The following RSBN1L variants were observed in gnomAD, a reference collection of about 807,000 sequenced individuals.
The protein encoded by RSBN1L is lysine-specific demethylase RSBN1L.
In RSBN1L, 30 loss-of-function variants were observed where a neutral mutation model predicts 67.7. That is an observed-to-expected ratio of 0.44 (90% CI 0.33 to 0.60). The LOEUF is 0.60. RSBN1L is among the 20% of genes least tolerant of loss of function. The probability of loss-of-function intolerance (pLI) is 0.02; values close to 1 mark genes in which losing one functional copy is unlikely to be tolerated. For missense variants in RSBN1L, 992 were observed against 1,031.7 expected (o/e 0.96, Z 0.53); for synonymous variants, 433 against 387.0 (o/e 1.12, Z -1.39).
At chr7:77,773,932 C>G (rs1439255668) in intron 6 of RSBN1L, among the ~76,000 whole-genome samples, 3 of 152,118 alleles carry the variant, frequency 2.0e-5, no homozygotes, top group African/African-American at 7.2e-5. Context: ...TTTAATTTTT[C>G]TCAACTGCTT....
At chr7:77,710,413 T>C (rs544226606) in intron 1 of RSBN1L, among the ~76,000 whole-genome samples, 4 of 152,160 alleles carry the variant, frequency 2.6e-5, no homozygotes, top group African/African-American at 4.8e-5. Context: ...CCTCGCCGCC[T>C]AGAACTTTCT....
At chr7:77,712,831 G>T (rs757891546) in intron 1 of RSBN1L, among the ~76,000 whole-genome samples, 3 of 152,088 alleles carry the variant, frequency 2.0e-5, no homozygotes, top group Non-Finnish European at 4.4e-5. Context: ...ATGTGTAGGC[G>T]TTTATTCACT....
Position 77,696,665 on chromosome 7 carries a change from A to C in RSBN1L, c.196A>C (p.Ser66Arg), listed in dbSNP as rs1790731333. The C allele has an allele frequency of 3.7e-6, 6 of 1,611,790 alleles. No individual in the cohort carries two copies. Among genetic ancestry groups the C allele is most frequent in the Non-Finnish European group, 4.2e-6 (5 of 1,179,340 alleles). ...CGGAGAAGGGGGCAGCGGCGGGAAC[A>C]GCAGGCAGCTGCAGCCGCCGGCAGC... ...VNGEGGSGGN[S>R]RQLQPPAAPS... Residue 66 changes from serine (S) to arginine (R), a missense_variant, in exon 1 of 8, where the codon AGC becomes CGC. Physicochemically the swap from Ser to Arg is moderately radical, Grantham distance 110 (BLOSUM62 -1). Transcript: ENST00000334955.
At chr7:77,710,201 T>C (rs1188925328) in intron 1 of RSBN1L, among the ~76,000 whole-genome samples, 1 of 152,226 alleles carries the variant, frequency 6.6e-6, no homozygotes, top group African/African-American at 2.4e-5. Context: ...TCATTCTTCA[T>C]GCTATATAGT....
intron 1 of RSBN1L, among the ~76,000 whole-genome samples, chr7:77,708,046 C>T (rs963623102): frequency 2.0e-5 from 3 of 152,148 alleles, no homozygotes; most frequent in African/African-American, 7.2e-5. Context: ...GATTTCAGAG[C>T]CCCAGTTCTC....
rs549649014 is a variant in RSBN1L at position 77,766,487 on chromosome 7, A to C, written c.1482+855A>C. Among the ~76,000 whole-genome samples the C allele has an allele frequency of 5.3e-5, 8 of 151,018 alleles. No individual in the cohort carries two copies. The South Asian group carries it at 1.5e-3, about 28-fold the overall frequency. The stretch of plus-strand genomic sequence containing the variant: ...GGTGTGAGCCACTGTGCCCACCACC[A>C]CAGGCCCCTTTAAATAGTTTGTAGC... On this transcript the variant is annotated intron_variant, in intron 4 of 7. Transcript: ENST00000334955.
intron 1 of RSBN1L, among the ~76,000 whole-genome samples, chr7:77,711,641 C>T (rs1790976685): frequency 1.3e-5 from 2 of 152,106 alleles, no homozygotes; most frequent in Non-Finnish European, 2.9e-5. Flanking sequence ...AAGTGCCCAG[C>T]CTGTATTGTT....
rs753697086 is a variant in RSBN1L at position 77,696,500 on chromosome 7, GTCGCTGCCGCGGCCC to G, written c.32_46del (p.Val11_Pro16delinsAla). 5 of 1,613,356 alleles carry G rather than the reference GTCGCTGCCGCGGCCC, an allele frequency of 3.1e-6. No homozygotes were observed. The South Asian group carries it at 5.5e-5, about 18-fold the overall frequency. ...GGAACCGCCGAGCCCCGTGCACTGT[GTCGCTGCCGCGGCCC>G]CCACCGCCACCGTCTCGGAGAAAGA... On this transcript the variant is annotated inframe_deletion, in exon 1 of 8. Transcript: ENST00000334955.
In RSBN1L at chr7:77,776,903, A is replaced by C. The variant is rs962456626; in HGVS notation, c.1794-1435A>C. Among the ~76,000 whole-genome samples the C allele has an allele frequency of 4.6e-5, 7 of 152,000 alleles. No individual in the cohort carries two copies. The South Asian group carries it at 1.4e-3, about 31-fold the overall frequency. On this transcript the variant is annotated intron_variant, in intron 6 of 7. Transcript: ENST00000334955. ...TGGAGTATTTAGATTATTTATATTT[A>C]ATAGAAATATTAGTAAATTTGGTTT...
At chr7:77,739,839 T>C (rs1791385840) in intron 2 of RSBN1L, among the ~76,000 whole-genome samples, 1 of 123,358 alleles carries the variant, frequency 8.1e-6, no homozygotes, top group Admixed American at 1.0e-4. Context: ...AAACTCTGCC[T>C]CCTGGGTTCA....
chr7:77,718,473 T>C (rs1448768279), intron 1 of RSBN1L, among the ~76,000 whole-genome samples: 3 of 152,078 alleles, frequency 2.0e-5, no homozygotes, highest in African/African-American at 7.2e-5. Flanking sequence ...GTATTTTTTA[T>C]AGAGATGAGG....
chr7:77,773,273 A>T lies in RSBN1L; in HGVS notation c.1752A>T (p.Thr584=), dbSNP rs1222018321. 1.9e-6 allele frequency: 3 copies of T among 1,609,968 alleles called. No individual in the cohort carries two copies. In the African/African-American group the frequency reaches 4.0e-5, roughly 22 times the overall value. ...HIGQGFERQT[T]AAVGVLKAVH... ...GACAAGGTTTTGAACGACAGACTAC[A>T]GCTGCTGTTGGAGTGCTGAAGGCTG... The change falls in exon 6 of 8, where the codon ACA becomes ACT. Residue 584 remains threonine, a synonymous_variant. Transcript: ENST00000334955.
chr7:77,703,740 G>C (rs187226842), intron 1 of RSBN1L, among the ~76,000 whole-genome samples: 1 of 151,776 alleles, frequency 6.6e-6, no homozygotes. Context: ...TGCCTGCCTC[G>C]GCCTCCCAAA....
chr7:77,697,300 G>C (rs1048103047), intron 1 of RSBN1L: 6 of 372,354 alleles, frequency 1.6e-5, no homozygotes, highest in African/African-American at 1.1e-4. Flanking sequence ...CTTCCTCCCA[G>C]TTAGTGCGCT....
chr7:77,700,593 G>A (rs1391214777), intron 1 of RSBN1L, among the ~76,000 whole-genome samples: 1 of 152,162 alleles, frequency 6.6e-6, no homozygotes, highest in Non-Finnish European at 1.5e-5. Context: ...CTCTCCTCCA[G>A]TATTGTTACT....
At chr7:77,733,630 T>A (rs1791297493) in intron 1 of RSBN1L, among the ~76,000 whole-genome samples, 1 of 151,938 alleles carries the variant, frequency 6.6e-6, no homozygotes, top group Non-Finnish European at 1.5e-5. Context: ...ATTAAATAAA[T>A]AATTTTAAAT....
At chr7:77,698,809 T>G (rs1790774978) in intron 1 of RSBN1L, among the ~76,000 whole-genome samples, 1 of 152,132 alleles carries the variant, frequency 6.6e-6, no homozygotes, top group South Asian at 2.1e-4. Context: ...AAGATTTTCA[T>G]TTTTTCAGAC....
intron 3 of RSBN1L, among the ~76,000 whole-genome samples, chr7:77,751,233 G>A (rs1449341863): frequency 2.6e-5 from 4 of 152,046 alleles, no homozygotes; most frequent in African/African-American, 9.7e-5. Flanking sequence ...TCTGCCTTCC[G>A]GGTTCAAGCG....
intron 1 of RSBN1L, chr7:77,697,343 T>A (rs906440482): frequency 3.1e-6 from 1 of 319,358 alleles, no homozygotes; most frequent in Non-Finnish European, 5.7e-6. Flanking sequence ...TTGAGGACTC[T>A]CCTAGGTTTG....
Sources: allele counts gnomAD v4.1 joint callset (sites outside exome capture counted in the v4.1 genomes callset), GRCh38; gene constraint gnomAD v4.1.1; transcripts MANE v1.5; gene names NCBI Gene and HGNC (gene_info 2026-07-23, HGNC 2026-07-21).